ERGIC1: variants seen among roughly 807,000 people sequenced by gnomAD.
ERGIC1 encodes endoplasmic reticulum-golgi intermediate compartment 1.
A neutral mutation model predicts 38.3 loss-of-function variants in ERGIC1; 19 were observed. The ratio of observed to expected loss-of-function variants is 0.50; its 90% CI spans 0.35 to 0.73. The LOEUF is 0.73. ERGIC1 is among the 30% of genes least tolerant of loss of function. The probability of loss-of-function intolerance (pLI) is 0.01; values close to 1 mark genes in which losing one functional copy is unlikely to be tolerated. For synonymous variants in ERGIC1, 124 were observed against 157.6 expected, an observed-to-expected ratio of 0.79 and a Z score of 1.60; for missense variants, 294 against 389.2, an observed-to-expected ratio of 0.76 and a Z score of 2.06.
intron 4 of ERGIC1, 45 bp from the exon 5 acceptor site, chr5:172,914,669 C>T (rs755502543): frequency 2.9e-5 from 46 of 1,613,510 alleles, no homozygotes; most frequent in Non-Finnish European, 3.6e-5. Flanking sequence ...CCCATCCTCC[C>T]GCGTCTCTGG....
At chr5:172,908,318 GAGAGAGGGGAGGGGGGGA>G (rs1763097478) in intron 3 of ERGIC1, among the ~76,000 whole-genome samples, 1 of 7,328 alleles carries the variant, frequency 1.4e-4, no homozygotes, top group Non-Finnish European at 2.1e-4. Flanking sequence ...GGGGGGGGGG[GAGAGAGGGGAGGGGGGGA>G]GGGGGGAGGG....
At chr5:172,950,336 T>TA (rs1764205427) in intron 9 of ERGIC1, among the ~76,000 whole-genome samples, 1 of 152,208 alleles carries the variant, frequency 6.6e-6, no homozygotes, top group African/African-American at 2.4e-5. Context: ...GCTCCAGAGT[T>TA]AAGACGTACC....
intron 1 of ERGIC1, among the ~76,000 whole-genome samples, chr5:172,857,684 C>T (rs149822692): frequency 1.0e-3 from 155 of 151,442 alleles, no homozygotes; most frequent in African/African-American, 3.6e-3. Context: ...TCATGGAACC[C>T]CTCCTCCTGG....
intron 1 of ERGIC1, among the ~76,000 whole-genome samples, chr5:172,855,643 A>G (rs1406438953): frequency 3.9e-5 from 6 of 152,162 alleles, no homozygotes; most frequent in Admixed American, 2.0e-4. Context: ...ACGATGTTCA[A>G]CTCAAGGCCT....
chr5:172,923,317 G>A (rs1257187418), intron 5 of ERGIC1, among the ~76,000 whole-genome samples: 3 of 149,288 alleles, frequency 2.0e-5, no homozygotes, highest in African/African-American at 7.4e-5. Context: ...AGGAGGAGGA[G>A]GGTTCCAGGA....
At chr5:172,879,146 A>AG (rs1491325558) in intron 1 of ERGIC1, among the ~76,000 whole-genome samples, 1 of 152,230 alleles carries the variant, frequency 6.6e-6, no homozygotes, top group African/African-American at 2.4e-5. Flanking sequence ...CTGCAAGAAC[A>AG]GGGGAGAACT....
intron 1 of ERGIC1, among the ~76,000 whole-genome samples, chr5:172,860,412 G>A (rs1761666603): frequency 6.6e-6 from 1 of 152,212 alleles, no homozygotes; most frequent in South Asian, 2.1e-4. Flanking sequence ...TACACATTGG[G>A]AAGCCAAGGC....
intron 3 of ERGIC1, chr5:172,905,317 C>T: frequency 2.8e-6 from 1 of 353,110 alleles, no homozygotes; most frequent in Non-Finnish European, 6.4e-6. Flanking sequence ...CAGAGTTGCA[C>T]ATTACAGCTG....
intron 1 of ERGIC1, among the ~76,000 whole-genome samples, chr5:172,849,846 G>C (rs1761361063): frequency 6.6e-6 from 1 of 152,188 alleles, no homozygotes; most frequent in Non-Finnish European, 1.5e-5. Context: ...ACATTTGCAG[G>C]GGAACAGGGG....
intron 1 of ERGIC1, chr5:172,867,090 C>T (rs1761885577): frequency 2.3e-6 from 1 of 440,600 alleles, no homozygotes. Flanking sequence ...AGAGTCTTTG[C>T]AGACCTTGGC....
At chr5:172,932,059 A>G (rs1336647887) in intron 7 of ERGIC1, among the ~76,000 whole-genome samples, 6 of 151,584 alleles carry the variant, frequency 4.0e-5, no homozygotes, top group African/African-American at 1.5e-4. Flanking sequence ...GGGTTTCACC[A>G]TCTTGGGCAG....
intron 5 of ERGIC1, chr5:172,917,938 G>C (rs1226959630): frequency 6.6e-6 from 1 of 152,256 alleles, no homozygotes; most frequent in Non-Finnish European, 1.5e-5. Flanking sequence ...GGAGGCCAAA[G>C]TGGGTGGATC....
At chr5:172,852,275 A>T (rs1761430221) in intron 1 of ERGIC1, among the ~76,000 whole-genome samples, 1 of 152,194 alleles carries the variant, frequency 6.6e-6, no homozygotes, top group African/African-American at 2.4e-5. Context: ...TCGTTTTCCA[A>T]AACGCAGGCA....
intron 1 of ERGIC1, among the ~76,000 whole-genome samples, chr5:172,856,685 C>T (rs1037012057): frequency 6.6e-6 from 1 of 152,120 alleles, no homozygotes; most frequent in Admixed American, 6.5e-5. Context: ...GGAGGGAGCA[C>T]CGAAAGTCTT....
chr5:172,920,999 G>T (rs985396037), intron 5 of ERGIC1, among the ~76,000 whole-genome samples: 1 of 152,168 alleles, frequency 6.6e-6, no homozygotes, highest in Non-Finnish European at 1.5e-5. Context: ...TTTTCCTCAC[G>T]CCCTGCCTGT....
intron 3 of ERGIC1, chr5:172,906,223 G>C: frequency 2.2e-6 from 1 of 454,586 alleles, no homozygotes; most frequent in South Asian, 1.6e-5. Context: ...CCCAGGACCA[G>C]GGCCCTCCTT....
chr5:172,948,235 A>T (rs1057464084), intron 9 of ERGIC1, among the ~76,000 whole-genome samples: 3 of 152,194 alleles, frequency 2.0e-5, no homozygotes, highest in Non-Finnish European at 2.9e-5. Context: ...CCATCCATAC[A>T]GACCTGGTCT....
chr5:172,860,205 T>G (rs1315209449), intron 1 of ERGIC1, among the ~76,000 whole-genome samples: 1 of 152,126 alleles, frequency 6.6e-6, no homozygotes, highest in Non-Finnish European at 1.5e-5. Context: ...TGCGCTCAAG[T>G]GGGCTCATCA....
In ERGIC1 at chr5:172,913,032, G is replaced by C. The variant is rs148407614; in HGVS notation, c.251-1682G>C. ...TATCCGCCCACCTTGGCCTCCCAAA[G>C]TGCTGCGATTACCGGCGTGAGCCAC... On this transcript the variant is annotated intron_variant, in intron 4 of 9. Transcript: ENST00000393784. 7.8e-3 allele frequency among the ~76,000 whole-genome samples: 1,175 copies of C among 151,544 alleles called. 9 individuals carry two copies. Among genetic ancestry groups the C allele is most frequent in the African/African-American group, 0.027 (1,107 of 41,254 alleles).
Sources: gnomAD v4.1 joint callset for allele counts (sites outside exome capture counted in the v4.1 genomes callset) on GRCh38, gnomAD v4.1.1 for gene constraint, MANE v1.5 for transcripts, NCBI Gene and HGNC (gene_info 2026-07-23, HGNC 2026-07-21) for gene names.